The following POLR3K variants were observed in gnomAD, a reference collection of about 807,000 sequenced individuals.
POLR3K encodes the protein DNA-directed RNA polymerase III subunit RPC10.
Under a neutral mutation model 13.5 loss-of-function variants are expected in POLR3K, and 11 were observed. The ratio of observed to expected loss-of-function variants is 0.81; its 90% CI spans 0.51 to 1.35. The LOEUF (loss-of-function observed/expected upper bound fraction) is 1.35. Ranked by LOEUF, POLR3K falls within the 40% of genes most tolerant of loss-of-function variation. The pLI is 0.00. For missense variants in POLR3K, 144 were observed against 145.3 expected, an observed-to-expected ratio of 0.99 and a Z score of 0.05; for synonymous variants, 56 against 51.5, an observed-to-expected ratio of 1.09 and a Z score of -0.38.
At position 48,784 on chromosome 16, in the gene POLR3K, T is replaced by C. The variant is rs529211031; in HGVS notation, c.200-1227A>G. Reference sequence around the variant, plus strand: ...CGAGATCGCGCCACTGCACTCCAGCTTGGGCAACAGAGTGAGACTCCATCT... The same window carrying C: ...CGAGATCGCGCCACTGCACTCCAGCCTGGGCAACAGAGTGAGACTCCATCT... On this transcript the variant is annotated intron_variant, in intron 2 of 2. Transcript: ENST00000293860. Among the ~76,000 whole-genome samples the C allele has an allele frequency of 3.9e-4, 58 of 148,586 alleles. 1 individual carries two copies. The highest frequency in any genetic ancestry group is 6.2e-4 in the Non-Finnish European group (42 of 67,286).
rs1021128366 is a variant in POLR3K at position 46,806 on chromosome 16, G to C, written c.*624C>G. 3 of 151,834 alleles carry C rather than the reference G, an allele frequency of 2.0e-5. No individual in the cohort carries two copies. The highest frequency in any genetic ancestry group is 4.4e-5 in the Non-Finnish European group (3 of 67,962). The allele number at this position is 151,834 out of a possible 1,614,324, so 9.4% of individuals were successfully genotyped here. A position where few individuals can be genotyped will look rare whatever the true frequency, so the allele number is the denominator to read the frequency against. ...AAAGCAACCCGAGGAAGCAAATCAGGGGAGGTTCAAAAAAATGAATAAGGG... is the reference window on the plus strand; with the variant it reads ...AAAGCAACCCGAGGAAGCAAATCAGCGGAGGTTCAAAAAAATGAATAAGGG... On this transcript the variant is annotated 3_prime_UTR_variant, in exon 3 of 3. Transcript: ENST00000293860.
chr16:47,874 T>G (rs1596456571), intron 2 of POLR3K, among the ~76,000 whole-genome samples: 2 of 125,262 alleles, frequency 1.6e-5, no homozygotes, highest in African/African-American at 6.2e-5. Flanking sequence ...AAAAAAAAAG[T>G]AGGTATTACT....
At chr16:49,068 C>T (rs1743948069) in intron 2 of POLR3K, among the ~76,000 whole-genome samples, 1 of 151,908 alleles carries the variant, frequency 6.6e-6, no homozygotes, top group African/African-American at 2.4e-5. Context: ...AGGAGAATCG[C>T]TTGAACCCGG....
Position 47,545 on chromosome 16 carries a change from T to C in POLR3K, c.212A>G (p.Lys71Arg). 6.2e-7 allele frequency: 1 copy of C among 1,612,858 alleles called. No individual in the cohort carries two copies. The change falls in exon 3 of 3, where the codon AAA (lysine) becomes AGA (arginine). Residue 71 changes from lysine (K) to arginine (R), a missense_variant. Transcript: ENST00000293860. ...NVDSTAESCP[K>R]CEHPRAYFMQ... ...GAAGTAAGCACGAGGATGTTCGCAT[T>C]TGGGACACGACTCTGGCAATGAGAA...
chr16:49,969 CT>C (rs935821271), intron 2 of POLR3K, among the ~76,000 whole-genome samples: 28 of 150,938 alleles, frequency 1.9e-4, no homozygotes, highest in Admixed American at 5.9e-4. Flanking sequence ...TTTGTATGTT[CT>C]TTTTTTTGAC....
Position 47,485 on chromosome 16 carries a change from A to G in POLR3K, c.272T>C (p.Met91Thr), listed in dbSNP as rs777997592. The change falls in exon 3 of 3, where the codon ATG (methionine) becomes ACG (threonine). Residue 91 changes from methionine (M) to threonine (T), a missense_variant. By Grantham distance (81) the Met-to-Thr change is moderately conservative. Coordinates refer to ENST00000293860, the MANE Select transcript of POLR3K (RefSeq NM_016310.5). The part of the protein sequence containing the change: ...QLQTRSADEP[M>T]TTFYKCCNAQ... The stretch of plus-strand genomic sequence containing the variant: ...ATTGCAGCACTTGTAGAAGGTGGTC[A>G]TCGGCTCATCTGCAGAGCGGGTCTG... The G allele has an allele frequency of 1.9e-6, 3 of 1,613,728 alleles. No individual in the cohort carries two copies. The highest frequency in any genetic ancestry group is 2.2e-5 in the South Asian group (2 of 91,080).
rs1897288925 is a variant in POLR3K at position 46,951 on chromosome 16, C to T, written c.*479G>A. 6.6e-6 allele frequency: 1 copy of T among 152,104 alleles called. No homozygotes were observed. The highest frequency in any genetic ancestry group is 2.4e-5 in the African/African-American group (1 of 41,362). The allele number at this position is 152,104 out of a possible 1,614,324, so 9.4% of individuals were successfully genotyped here. On this transcript the variant is annotated 3_prime_UTR_variant, in exon 3 of 3. Transcript: ENST00000293860. The stretch of plus-strand genomic sequence containing the variant: ...CTGTGATTTGGGGTTTGCTTTCTAC[C>T]TCTTAAGCTATTTAAAACACTGAGA...
chr16:52,444 CTCAAAAAAAAAAAAAAAAAAAAAA>C (rs1163597028), intron 1 of POLR3K, among the ~76,000 whole-genome samples: 2 of 81,268 alleles, frequency 2.5e-5, no homozygotes, highest in Non-Finnish European at 4.7e-5. Context: ...GAGACTCTGT[CTCAAAAAAAAAAAAAAAAAAAAAA>C]AAAAAAAAAA....
chr16:53,306 TTC>T (rs1255627028), intron 1 of POLR3K, 168 bp downstream of exon 1: 1 of 1,284,864 alleles, frequency 7.8e-7, no homozygotes, highest in Non-Finnish European at 1.0e-6. Flanking sequence ...CGGTGGGGCT[TTC>T]TGAGTGTATT....
rs895119603 is a variant in POLR3K at position 53,356 on chromosome 16, G to C, written c.111+120C>G. ...CCACAGATCTGCTGCAGACCAGAAA[G>C]GGGCGCGAGAAAGAGCGGACAGAGG... On this transcript the variant is annotated intron_variant, in intron 1 of 2. Coordinates refer to ENST00000293860, the MANE Select transcript of POLR3K (RefSeq NM_016310.5). The C allele has an allele frequency of 2.8e-6, 4 of 1,442,380 alleles. No individual in the cohort carries two copies. The African/African-American group carries it at 4.4e-5, about 16-fold the overall frequency. The allele number at this position is 1,442,380 out of a possible 1,614,324, so 89.3% of individuals were successfully genotyped here.
chr16:53,376 C>G (rs1897360873), intron 1 of POLR3K, 100 bp downstream of exon 1: 1 of 1,472,814 alleles, frequency 6.8e-7, no homozygotes, highest in African/African-American at 1.4e-5. Flanking sequence ...AAAGAGCGGA[C>G]AGAGGCAGAC....
Position 46,801 on chromosome 16 carries a change from A to G in POLR3K, c.*629T>C, listed in dbSNP as rs1323322320. On this transcript the variant is annotated 3_prime_UTR_variant, in exon 3 of 3. Coordinates refer to ENST00000293860, the MANE Select transcript of POLR3K (RefSeq NM_016310.5). ...CATTTAAAGCAACCCGAGGAAGCAA[A>G]TCAGGGGAGGTTCAAAAAAATGAAT... 6.6e-6 allele frequency: 1 copy of G among 152,082 alleles called. No homozygotes were observed. The highest frequency in any genetic ancestry group is 1.5e-5 in the Non-Finnish European group (1 of 68,008). The allele number at this position is 152,082 out of a possible 1,614,324, so 9.4% of individuals were successfully genotyped here.
At chr16:51,730 A>G in intron 1 of POLR3K, 85 bp from the exon 2 acceptor site, 4 of 1,150,680 alleles carry the variant, frequency 3.5e-6, no homozygotes, top group Non-Finnish European at 5.1e-6. Flanking sequence ...ATTACATAAG[A>G]GTTCACTCGG....
chr16:51,718 G>T, intron 1 of POLR3K, 73 bp from the exon 2 acceptor site: 1 of 1,292,930 alleles, frequency 7.7e-7, no homozygotes, highest in Non-Finnish European at 1.1e-6. Context: ...TTAAATTTCA[G>T]GATTACATAA....
rs963186084 is a variant in POLR3K, at chr16:46,956, A to G, written c.*474T>C. On this transcript the variant is annotated 3_prime_UTR_variant, in exon 3 of 3. Transcript: ENST00000293860. ...ATTTGGGGTTTGCTTTCTACCTCTT[A>G]AGCTATTTAAAACACTGAGAAGGCA... 2 of 152,250 alleles carry G rather than the reference A, an allele frequency of 1.3e-5. No homozygotes were observed. The highest frequency in any genetic ancestry group is 4.8e-5 in the African/African-American group (2 of 41,418). 9.4% of individuals were successfully genotyped at this position (152,250 alleles called of 1,614,324 possible).
intron 1 of POLR3K, among the ~76,000 whole-genome samples, chr16:52,785 A>T (rs1897351645): frequency 1.2e-4 from 3 of 25,230 alleles, no homozygotes; most frequent in Non-Finnish European, 1.9e-4. Flanking sequence ...AAAAAAAAAA[A>T]AAAAAAAAAA....
intron 2 of POLR3K, among the ~76,000 whole-genome samples, chr16:47,822 A>T (rs1302376762): frequency 8.0e-6 from 1 of 125,374 alleles, no homozygotes; most frequent in Non-Finnish European, 1.6e-5. Flanking sequence ...CAGAGATTGC[A>T]GTGAGCCAAG....
chr16:52,373 G>A (rs1897341467), intron 1 of POLR3K, among the ~76,000 whole-genome samples: 1 of 149,658 alleles, frequency 6.7e-6, no homozygotes, highest in Non-Finnish European at 1.5e-5. Flanking sequence ...CTTGAACCCG[G>A]GAGGCAGAGG....
chr16:53,603 G>T lies in POLR3K; in HGVS notation c.-17C>A, dbSNP rs927442444. ...CAGCAGCATGGTCTCGAACTCCGCA[G>T]GCTCCAACTCCCGGCAGCTCCCACT... On this transcript the variant is annotated 5_prime_UTR_variant, in exon 1 of 3. In the 5' UTR this introduces an upstream ATG that the reference lacks. Transcript: ENST00000293860. 3.7e-6 allele frequency: 6 copies of T among 1,601,334 alleles called. No individual in the cohort carries two copies. The South Asian group carries it at 4.5e-5, about 12-fold the overall frequency.
Sources: gnomAD v4.1 joint callset for allele counts (sites outside exome capture counted in the v4.1 genomes callset) on GRCh38, gnomAD v4.1.1 for gene constraint, MANE v1.5 for transcripts, NCBI Gene and HGNC (gene_info 2026-07-23, HGNC 2026-07-21) for gene names.